DENND5B: variants seen among roughly 807,000 people sequenced by gnomAD.
DENND5B encodes DENN domain-containing protein 5B.
In DENND5B, 34 loss-of-function variants were observed where a neutral mutation model predicts 140.6. The ratio of observed to expected loss-of-function variants is 0.24; its 90% CI spans 0.18 to 0.32. The LOEUF (loss-of-function observed/expected upper bound fraction) is 0.32, where lower values mean the gene tolerates loss of function less well. DENND5B is among the 10% of genes least tolerant of loss of function. DENND5B has a pLI of 1.00. For synonymous variants in DENND5B, 551 were observed against 562.1 expected (o/e 0.98, Z 0.28); for missense variants, 1,142 against 1,560.2 (o/e 0.73, Z 4.52).
intron 17 of DENND5B, 25 bp downstream of exon 17, chr12:31,398,150 A>G: frequency 6.4e-7 from 1 of 1,553,628 alleles, no homozygotes; most frequent in Non-Finnish European, 8.7e-7. Flanking sequence ...ATAGGAGCAC[A>G]TAAGAAAAAT....
At chr12:31,469,345 AAAAGAAG>A (rs202158126) in intron 3 of DENND5B, among the ~76,000 whole-genome samples, 2,591 of 139,726 alleles carry the variant, frequency 0.019, 34 homozygotes, top group South Asian at 0.05. Flanking sequence ...AAAAAAAAAA[AAAAGAAG>A]AAGAAGAAGA....
At chr12:31,498,565 A>C (rs545709907) in intron 1 of DENND5B, among the ~76,000 whole-genome samples, 1 of 152,346 alleles carries the variant, frequency 6.6e-6, no homozygotes, top group East Asian at 1.9e-4. Context: ...CTGCTTAAAA[A>C]AGGGGTAACA....
chr12:31,587,475 G>A (rs1417111150), intron 1 of DENND5B, among the ~76,000 whole-genome samples: 1 of 142,996 alleles, frequency 7.0e-6, no homozygotes, highest in Admixed American at 7.1e-5. Context: ...TCTAGAATCT[G>A]AGTCCTTCCT....
chr12:31,541,335 G>C (rs1429932476), intron 1 of DENND5B, among the ~76,000 whole-genome samples: 1 of 152,000 alleles, frequency 6.6e-6, no homozygotes, highest in African/African-American at 2.4e-5. Context: ...AAATACATAA[G>C]GAAGCTCATG....
intron 1 of DENND5B, among the ~76,000 whole-genome samples, chr12:31,537,408 T>G (rs563452021): frequency 6.6e-6 from 1 of 152,268 alleles, no homozygotes; most frequent in African/African-American, 2.4e-5. Context: ...TGTAAAATAA[T>G]AGGTTATAAG....
chr12:31,439,954 A>AAAC (rs1943960246), intron 7 of DENND5B, among the ~76,000 whole-genome samples: 1 of 146,272 alleles, frequency 6.8e-6, no homozygotes, highest in Non-Finnish European at 1.5e-5. Context: ...AAAAAAAAAA[A>AAAC]AAAGGAAACA....
At chr12:31,516,932 C>T (rs76245977) in intron 1 of DENND5B, among the ~76,000 whole-genome samples, 1,722 of 152,028 alleles carry the variant, frequency 0.011, 19 homozygotes, top group East Asian at 0.031. Flanking sequence ...GAGTGAGACC[C>T]TATCTCAAAA....
chr12:31,546,811 G>T (rs564218769), intron 1 of DENND5B, among the ~76,000 whole-genome samples: 9 of 152,300 alleles, frequency 5.9e-5, no homozygotes, highest in Non-Finnish European at 1.3e-4. Flanking sequence ...TGTATACTAA[G>T]TTTCCTTGTT....
intron 1 of DENND5B, chr12:31,499,749 G>A: frequency 8.3e-7 from 1 of 1,198,324 alleles, no homozygotes; most frequent in Non-Finnish European, 1.1e-6. Context: ...TTTGAAGAAT[G>A]GAAAATGAGA....
intron 1 of DENND5B, among the ~76,000 whole-genome samples, chr12:31,582,682 AAAG>A (rs1950245333): frequency 6.6e-6 from 1 of 152,236 alleles, no homozygotes; most frequent in African/African-American, 2.4e-5. Context: ...AGTGCTGACC[AAAG>A]AAGAAACAAG....
chr12:31,449,903 T>C (rs1013855110), intron 5 of DENND5B, among the ~76,000 whole-genome samples: 5 of 151,946 alleles, frequency 3.3e-5, no homozygotes, highest in Non-Finnish European at 5.9e-5. Context: ...GCTAATTTTT[T>C]TGTATTTTTA....
intron 4 of DENND5B, among the ~76,000 whole-genome samples, chr12:31,457,121 T>C (rs2138198974): frequency 1.3e-5 from 2 of 152,330 alleles, no homozygotes; most frequent in South Asian, 4.1e-4. Flanking sequence ...GGGCAAGATA[T>C]GACAAGAACA....
intron 1 of DENND5B, among the ~76,000 whole-genome samples, chr12:31,574,295 A>AATAATTATT (rs374578025): frequency 0.015 from 2,126 of 144,568 alleles, 55 homozygotes; most frequent in African/African-American, 0.049. Flanking sequence ...TAATAATAAT[A>AATAATTATT]ATTTAAAAGG....
intron 4 of DENND5B, among the ~76,000 whole-genome samples, chr12:31,453,250 ATAAT>A (rs1944620641): frequency 6.6e-6 from 1 of 152,192 alleles, no homozygotes; most frequent in Non-Finnish European, 1.5e-5. Flanking sequence ...TAACCTTTGA[ATAAT>A]TAAGAGTTCA....
intron 3 of DENND5B, among the ~76,000 whole-genome samples, chr12:31,463,370 GA>G (rs1278073793): frequency 2.6e-4 from 39 of 152,166 alleles, no homozygotes; most frequent in African/African-American, 7.7e-4. Context: ...CAAATCCAGA[GA>G]AATCTCCTTA....
At chr12:31,396,287 CT>C (rs1310792270) in intron 17 of DENND5B, 2 of 151,500 alleles carry the variant, frequency 1.3e-5, no homozygotes, top group African/African-American at 4.9e-5. Context: ...TCAGGCTGGT[CT>C]TGAACTCCTG....
intron 14 of DENND5B, among the ~76,000 whole-genome samples, chr12:31,403,944 CG>C (rs2137441003): frequency 7.0e-6 from 1 of 143,764 alleles, no homozygotes; most frequent in South Asian, 2.2e-4. Context: ...GGGCCAGGCA[CG>C]GGGGCTCATG....
intron 1 of DENND5B, among the ~76,000 whole-genome samples, chr12:31,564,175 G>C (rs1016510547): frequency 1.3e-5 from 2 of 152,138 alleles, no homozygotes; most frequent in African/African-American, 4.8e-5. Context: ...TCATAATTCA[G>C]AGATAAAATA....
chr12:31,475,523 C>A (rs1043276747), intron 3 of DENND5B, among the ~76,000 whole-genome samples: 4 of 152,046 alleles, frequency 2.6e-5, no homozygotes, highest in African/African-American at 9.7e-5. Context: ...TGAGGCAGGA[C>A]GATCGCTTGA....
Sources: allele counts gnomAD v4.1 joint callset (sites outside exome capture counted in the v4.1 genomes callset), GRCh38; gene constraint gnomAD v4.1.1; transcripts MANE v1.5; gene names NCBI Gene and HGNC (gene_info 2026-07-23, HGNC 2026-07-21).